ATXN1: variants seen among roughly 807,000 people sequenced by gnomAD.
ATXN1 encodes the protein ataxin-1.
Under a neutral mutation model 56.4 loss-of-function variants are expected in ATXN1, and 8 were observed. The ratio of observed to expected loss-of-function variants is 0.14; its 90% CI spans 0.08 to 0.26. The LOEUF (loss-of-function observed/expected upper bound fraction) is 0.26, where lower values mean the gene tolerates loss of function less well. Ranked by LOEUF, ATXN1 falls within the 10% of genes least tolerant of loss-of-function variation. The pLI is 1.00. For synonymous variants in ATXN1, 514 were observed against 494.6 expected (o/e 1.04, Z -0.52); for missense variants, 987 against 1,106.5 (o/e 0.89, Z 1.53).
At chr6:16,575,437 T>C (rs1200250739) in intron 4 of ATXN1, among the ~76,000 whole-genome samples, 2 of 152,328 alleles carry the variant, frequency 1.3e-5, no homozygotes, top group South Asian at 2.1e-4. Flanking sequence ...ATTGGACTCG[T>C]TGGATATTTT....
intron 3 of ATXN1, among the ~76,000 whole-genome samples, chr6:16,652,482 A>C (rs1758086340): frequency 6.6e-6 from 1 of 152,220 alleles, no homozygotes; most frequent in Admixed American, 6.5e-5. Context: ...AATAGTTTAC[A>C]TGGACCACTA....
At position 16,760,923 on chromosome 6, in the gene ATXN1, CCGCGCCCCCCGCCCGGG is replaced by C. The variant is rs1162454604; in HGVS notation, c.-730+358_-730+374del. ...GGGGCGCCGCCGCCGCTCTCCCCGC[CCGCGCCCCCCGCCCGGG>C]CGCGCCCCCTAGCCCGGCGGGCGCC... On this transcript the variant is annotated intron_variant, in intron 1 of 7. Coordinates refer to ENST00000436367, the MANE Select transcript of ATXN1 (RefSeq NM_001128164.2). This position sits in a 1 kb window ranked among gnomAD's most constrained non-coding sequence, Gnocchi z 5.3. 6.7e-5 allele frequency among the ~76,000 whole-genome samples: 10 copies of C among 148,692 alleles called. No individual in the cohort carries two copies. Among genetic ancestry groups the C allele is most frequent in the African/African-American group, 1.7e-4 (7 of 40,938 alleles).
intron 6 of ATXN1, among the ~76,000 whole-genome samples, chr6:16,380,693 A>T (rs1014798327): frequency 3.3e-5 from 5 of 152,104 alleles, no homozygotes; most frequent in African/African-American, 1.2e-4. Context: ...GTGAGATTAC[A>T]TCACAGACTC....
intron 5 of ATXN1, among the ~76,000 whole-genome samples, chr6:16,488,437 AG>A (rs1760594285): frequency 6.6e-6 from 1 of 152,194 alleles, no homozygotes; most frequent in Non-Finnish European, 1.5e-5. Context: ...CACCGTTAAC[AG>A]TGTTCCGTCA....
Position 16,549,896 on chromosome 6 carries a change from C to CAAAA in ATXN1, c.-360-27212_-360-27209dup, listed in dbSNP as rs66603893. Among the ~76,000 whole-genome samples the CAAAA allele has an allele frequency of 9.6e-4, 64 of 66,726 alleles. 1 individual carries two copies. The highest frequency in any genetic ancestry group is 3.3e-3 in the African/African-American group (55 of 16,858). The allele number at this position is 66,726 out of a possible 152,430, so 43.8% of individuals were successfully genotyped here. ...GGGCAACAAGAGCGAAACTCTGTCT[C>CAAAA]AAAAAAAAAAAAAAAAAAAAAGGAA... On this transcript the variant is annotated intron_variant, in intron 4 of 7. Transcript: ENST00000436367.
Position 16,303,990 on chromosome 6 carries a change from C to T in ATXN1, c.*2339G>A, listed in dbSNP as rs930231919. On this transcript the variant is annotated 3_prime_UTR_variant, in exon 8 of 8. Transcript: ENST00000436367. The surrounding 1 kb of genome is among the most constrained non-coding windows in gnomAD (Gnocchi z 4.3). ...ACTGCAAGAATGAGCCCACCCAGCTCTCTGCAAGCATGCTGAGAGGGTAAT... is the reference window on the plus strand; with the variant it reads ...ACTGCAAGAATGAGCCCACCCAGCTTTCTGCAAGCATGCTGAGAGGGTAAT... 6.6e-6 allele frequency: 1 copy of T among 152,572 alleles called. No homozygotes were observed. The highest frequency in any genetic ancestry group is 6.5e-5 in the Admixed American group (1 of 15,290). The allele number at this position is 152,572 out of a possible 1,614,324, so 9.5% of individuals were successfully genotyped here.
At chr6:16,376,878 C>T (rs1762150600) in intron 6 of ATXN1, among the ~76,000 whole-genome samples, 1 of 152,184 alleles carries the variant, frequency 6.6e-6, no homozygotes, top group Non-Finnish European at 1.5e-5. Context: ...GTTATATATA[C>T]TCAAGGAAGT....
chr6:16,395,819 C>G (rs914623072), intron 6 of ATXN1, among the ~76,000 whole-genome samples: 2 of 151,792 alleles, frequency 1.3e-5, no homozygotes, highest in African/African-American at 4.8e-5. Flanking sequence ...AGATCGAGAC[C>G]ATCCTGGCCA....
intron 2 of ATXN1, among the ~76,000 whole-genome samples, chr6:16,675,840 G>T (rs1442367479): frequency 6.6e-6 from 1 of 152,110 alleles, no homozygotes; most frequent in Non-Finnish European, 1.5e-5. Context: ...AGTGAGCCAA[G>T]ATTGCACCAC....
At chr6:16,433,144 T>C (rs1759319632) in intron 6 of ATXN1, 2 of 152,206 alleles carry the variant, frequency 1.3e-5, no homozygotes, top group African/African-American at 4.8e-5. Flanking sequence ...TTTAAAAATC[T>C]ATAAATATTT....
intron 5 of ATXN1, among the ~76,000 whole-genome samples, chr6:16,516,929 T>G (rs1194733897): frequency 6.6e-6 from 1 of 152,190 alleles, no homozygotes; most frequent in Non-Finnish European, 1.5e-5. Flanking sequence ...CTCATCATTT[T>G]CCCCAAAATT....
chr6:16,472,104 G>A (rs149065803), intron 6 of ATXN1, among the ~76,000 whole-genome samples: 52 of 152,334 alleles, frequency 3.4e-4, no homozygotes, highest in African/African-American at 1.3e-3. Context: ...GTGCAGATGA[G>A]TAAGAAAAGA....
intron 1 of ATXN1, among the ~76,000 whole-genome samples, chr6:16,759,733 C>G (rs981766240): frequency 2.6e-5 from 4 of 151,730 alleles, no homozygotes; most frequent in Non-Finnish European, 5.9e-5. Context: ...CTGGCAGAGT[C>G]TCGATCACCA....
chr6:16,555,046 T>TC (rs1761986924), intron 4 of ATXN1, among the ~76,000 whole-genome samples: 1 of 152,322 alleles, frequency 6.6e-6, no homozygotes, highest in African/African-American at 2.4e-5. Context: ...CTACTACAGT[T>TC]CCCTGGGTTT....
intron 6 of ATXN1, among the ~76,000 whole-genome samples, chr6:16,471,933 T>C (rs1391050901): frequency 3.9e-5 from 6 of 152,190 alleles, no homozygotes; most frequent in Admixed American, 2.0e-4. Context: ...ACCAAGTGTG[T>C]AGCTTTGAGA....
chr6:16,562,425 G>A (rs1444874728), intron 4 of ATXN1, among the ~76,000 whole-genome samples: 1 of 129,568 alleles, frequency 7.7e-6, no homozygotes, highest in Non-Finnish European at 1.6e-5. Flanking sequence ...AATGGGGAAG[G>A]GGAAGGAGAA....
At chr6:16,401,678 T>C (rs1005915087) in intron 6 of ATXN1, among the ~76,000 whole-genome samples, 1 of 152,242 alleles carries the variant, frequency 6.6e-6, no homozygotes, top group Non-Finnish European at 1.5e-5. Flanking sequence ...TGTTGACTTT[T>C]AGCTCTTCAG....
chr6:16,379,727 G>A (rs905989137), intron 6 of ATXN1, among the ~76,000 whole-genome samples: 4 of 152,146 alleles, frequency 2.6e-5, no homozygotes, highest in Admixed American at 6.5e-5. Flanking sequence ...TCACTCTTAC[G>A]CAGGTAATAA....
intron 4 of ATXN1, among the ~76,000 whole-genome samples, chr6:16,564,590 G>A (rs1762179379): frequency 6.6e-6 from 1 of 152,204 alleles, no homozygotes; most frequent in Non-Finnish European, 1.5e-5. Context: ...TATGCTAAGT[G>A]AAAGAAGTCA....
Sources: gnomAD v4.1 joint callset for allele counts (sites outside exome capture counted in the v4.1 genomes callset) on GRCh38, gnomAD v4.1.1 for gene constraint, Gnocchi (gnomAD v3.1) non-coding constraint, MANE v1.5 for transcripts, NCBI Gene and HGNC (gene_info 2026-07-23, HGNC 2026-07-21) for gene names.